Variants in TDRD15 observed in about 807,000 individuals in gnomAD.
TDRD15 encodes the protein tudor domain-containing protein 15.
For synonymous variants in TDRD15, 503 were observed against 314.5 expected (o/e 1.60, Z -6.34); for missense variants, 1,416 against 904.7 (o/e 1.57, Z -7.25).
Position 21,138,852 on chromosome 2 carries a change from A to G in TDRD15, c.1385A>G (p.Asn462Ser), listed in dbSNP as rs1204333138. 1 of 715,128 alleles carries G rather than the reference A, an allele frequency of 1.4e-6. No homozygotes were observed. Among genetic ancestry groups the G allele is most frequent in the South Asian group, 1.5e-5 (1 of 67,276 alleles). The allele number at this position is 715,128 out of a possible 1,614,324, so 44.3% of individuals were successfully genotyped here. A position where few individuals can be genotyped will look rare whatever the true frequency, so the allele number is the denominator to read the frequency against. The change falls in exon 4 of 4, where the codon AAT becomes AGT. Residue 462 changes from asparagine (N) to serine (S), a missense_variant. Transcript: ENST00000405799. Reference sequence around the variant, plus strand: ...ATTGAATGGTCAATAGACTCTCTAAATAAAAAAGGCATTTTAAAAGTAGGT... The same window carrying G: ...ATTGAATGGTCAATAGACTCTCTAAGTAAAAAAGGCATTTTAAAAGTAGGT... ...GNIEWSIDSL[N>S]KKGILKVGFP...
At chr2:21,131,518 C>T (rs1005630275) in intron 2 of TDRD15, among the ~76,000 whole-genome samples, 2 of 152,200 alleles carry the variant, frequency 1.3e-5, no homozygotes, top group African/African-American at 4.8e-5. Context: ...AAGCTTTTAA[C>T]GTTCTCCTTC....
At chr2:21,127,297 A>T (rs1008701047) in intron 1 of TDRD15, among the ~76,000 whole-genome samples, 2 of 152,078 alleles carry the variant, frequency 1.3e-5, no homozygotes, top group African/African-American at 4.8e-5. Flanking sequence ...GAGGAGCAAA[A>T]TATTTTAATT....
chr2:21,138,463 A>G lies in TDRD15; in HGVS notation c.996A>G (p.Ile332Met), dbSNP rs1476559604. 3 of 714,736 alleles carry G rather than the reference A, an allele frequency of 4.2e-6. No individual in the cohort carries two copies. The highest frequency in any genetic ancestry group is 2.6e-6 in the Non-Finnish European group (1 of 383,972). 44.3% of individuals were successfully genotyped at this position (714,736 alleles called of 1,614,324 possible). ...WFMDYGSSEA[I>M]PSIYVKKLKQ... ...TGGATTATGGCAGTAGCGAGGCTAT[A>G]CCCTCAATTTATGTAAAGAAACTTA... The change falls in exon 4 of 4, where the codon ATA becomes ATG. Residue 332 changes from isoleucine to methionine, a missense_variant. Ile to Met is a conservative substitution (Grantham distance 10). Transcript: ENST00000405799.
chr2:21,126,764 G>T lies in TDRD15; in HGVS notation c.-200-837G>T, dbSNP rs535913636. On this transcript the variant is annotated intron_variant, in intron 1 of 3. Coordinates refer to ENST00000405799, the MANE Select transcript of TDRD15 (RefSeq NM_001306137.2). ...GTTTTTGGCTCTTACAAGTAAACTT[G>T]CTGTGAACAGTCTCCTACAAGTTTT... Among the ~76,000 whole-genome samples, 15 of 152,284 alleles carry T rather than the reference G, an allele frequency of 9.9e-5. No homozygotes were observed. The South Asian group carries it at 2.9e-3, about 29-fold the overall frequency.
At position 21,141,106 on chromosome 2, in the gene TDRD15, T is replaced by A; in HGVS notation, c.3639T>A (p.Val1213=). ...NIHARFLKPS[V]CYKMEPVSKN... is the part of the protein sequence containing the mutation. ...ATGCCAGGTTTTTGAAGCCATCAGT[T>A]TGTTATAAAATGGAACCTGTGTCAA... is the stretch of plus-strand genomic sequence containing the variant. The change falls in exon 4 of 4, where the codon GTT becomes GTA. Residue 1213 remains valine, a synonymous_variant. Coordinates refer to ENST00000405799, the MANE Select transcript of TDRD15 (RefSeq NM_001306137.2). 1 of 708,132 alleles carries A rather than the reference T, an allele frequency of 1.4e-6. No individual in the cohort carries two copies. Among genetic ancestry groups the A allele is most frequent in the Non-Finnish European group, 2.6e-6 (1 of 382,120 alleles). The allele number at this position is 708,132 out of a possible 1,614,324, so 43.9% of individuals were successfully genotyped here.
downstream of TDRD15, among the ~76,000 whole-genome samples, chr2:21,145,801 T>C (rs767977165): frequency 6.6e-6 from 1 of 151,898 alleles, no homozygotes; most frequent in African/African-American, 2.4e-5. Context: ...GCAGGTACTC[T>C]GGGTCTAGAG....
intron 3 of TDRD15, among the ~76,000 whole-genome samples, chr2:21,135,700 C>T (rs2103441360): frequency 6.6e-6 from 1 of 152,062 alleles, no homozygotes; most frequent in South Asian, 2.1e-4. Context: ...TGCCACCCTA[C>T]CCCCATTCCC....
chr2:21,125,066 A>G (rs1244874497), intron 1 of TDRD15, among the ~76,000 whole-genome samples: 1 of 143,354 alleles, frequency 7.0e-6, no homozygotes, highest in Non-Finnish European at 1.5e-5. Context: ...TGAGTGTGAG[A>G]GAGACCCTAA....
chr2:21,125,429 GGTGTGTGTGT>G (rs77767650), intron 1 of TDRD15, among the ~76,000 whole-genome samples: 65 of 147,342 alleles, frequency 4.4e-4, no homozygotes, highest in African/African-American at 1.5e-3. Context: ...CGAATGCCAG[GGTGTGTGTGT>G]GTGTGTGTGT....
Position 21,138,546 on chromosome 2 carries a change from A to C in TDRD15, c.1079A>C (p.His360Pro), listed in dbSNP as rs1665858463. ...TTTCCATGTTCTCTGACATGTTTGC[A>C]CAGTCCAGATAGAGATGCAAGAATA... is the stretch of plus-strand genomic sequence containing the variant. ...FSFPCSLTCL[H>P]SPDRDARIFQ... The change falls in exon 4 of 4, where the codon CAC becomes CCC. Residue 360 changes from histidine (H) to proline (P), a missense_variant. Transcript: ENST00000405799. 1.4e-6 allele frequency: 1 copy of C among 715,690 alleles called. No individual in the cohort carries two copies. The highest frequency in any genetic ancestry group is 2.0e-5 in the Admixed American group (1 of 49,862). The allele number at this position is 715,690 out of a possible 1,614,324, so 44.3% of individuals were successfully genotyped here. A position where few individuals can be genotyped will look rare whatever the true frequency, so the allele number is the denominator to read the frequency against.
chr2:21,128,107 C>T (rs1265309770), intron 2 of TDRD15, among the ~76,000 whole-genome samples: 4 of 152,124 alleles, frequency 2.6e-5, no homozygotes, highest in Non-Finnish European at 4.4e-5. Context: ...AATTTATTCT[C>T]TTACCTGGAA....
chr2:21,124,723 C>A (rs563210504), intron 1 of TDRD15, among the ~76,000 whole-genome samples: 1 of 122,494 alleles, frequency 8.2e-6, no homozygotes, highest in East Asian at 2.6e-4. Context: ...CAGAGTGATC[C>A]TAATGCCAGG....
Position 21,141,238 on chromosome 2 carries a change from GGTT to G in TDRD15, c.3774_3776del (p.Val1259del), listed in dbSNP as rs1285837948. On this transcript the variant is annotated inframe_deletion, in exon 4 of 4. Coordinates refer to ENST00000405799, the MANE Select transcript of TDRD15 (RefSeq NM_001306137.2). ...GGCGTGTGGGCCAAAAATCAGTAAA[GGTT>G]GTATCACAGTCTTTTATCAGAGCAT... is the stretch of plus-strand genomic sequence containing the variant. 1 of 713,074 alleles carries G rather than the reference GGTT, an allele frequency of 1.4e-6. No individual in the cohort carries two copies. Among genetic ancestry groups the G allele is most frequent in the Admixed American group, 2.0e-5 (1 of 49,228 alleles). 44.2% of individuals were successfully genotyped at this position (713,074 alleles called of 1,614,324 possible).
intron 2 of TDRD15, among the ~76,000 whole-genome samples, chr2:21,131,960 T>A (rs769313704): frequency 6.6e-6 from 1 of 151,682 alleles, no homozygotes; most frequent in Non-Finnish European, 1.5e-5. Flanking sequence ...GTAGAGAGGG[T>A]AGGGAGGGGC....
intron 3 of TDRD15, among the ~76,000 whole-genome samples, chr2:21,135,366 T>G (rs1028609824): frequency 1.3e-5 from 2 of 151,740 alleles, no homozygotes; most frequent in Admixed American, 6.6e-5. Context: ...TGAAAGAGTT[T>G]GACTGACATC....
Position 21,139,548 on chromosome 2 carries a change from A to G in TDRD15, c.2081A>G (p.Lys694Arg). Residue 694 changes from lysine (K) to arginine (R), a missense_variant, in exon 4 of 4, where the codon AAA becomes AGA. By Grantham distance (26) the Lys-to-Arg change is conservative. Coordinates refer to ENST00000405799, the MANE Select transcript of TDRD15 (RefSeq NM_001306137.2). ...TCTAAAAACAAAGTTAATATTAAAAAAGTCATATCTGCCCTTCTTGAAGGA... is the reference window on the plus strand; with the variant it reads ...TCTAAAAACAAAGTTAATATTAAAAGAGTCATATCTGCCCTTCTTGAAGGA... Reference protein sequence around the residue: ...SESKNKVNIKKVISALLEGPK... With the variant: ...SESKNKVNIKRVISALLEGPK... 1 of 703,206 alleles carries G rather than the reference A, an allele frequency of 1.4e-6. No individual in the cohort carries two copies. The highest frequency in any genetic ancestry group is 2.6e-6 in the Non-Finnish European group (1 of 381,082). 43.6% of individuals were successfully genotyped at this position (703,206 alleles called of 1,614,324 possible).
intron 3 of TDRD15, among the ~76,000 whole-genome samples, chr2:21,136,916 G>A (rs1021665680): frequency 2.6e-5 from 4 of 151,956 alleles, no homozygotes; most frequent in African/African-American, 7.2e-5. Flanking sequence ...GATGAATCCC[G>A]GGATTGTATA....
rs753385555 is a variant in TDRD15 at position 21,142,863 on chromosome 2, G to A, written c.5396G>A (p.Arg1799Lys). ...FKYKSEDQWN[R>K]VEISEVSPQS... ...TATAAATCGGAAGATCAGTGGAATA[G>A]AGTAGAAATTTCTGAAGTCTCACCT... Residue 1799 changes from arginine to lysine, a missense_variant, in exon 4 of 4, where the codon AGA becomes AAA. Arg to Lys is a conservative substitution (Grantham distance 26). Coordinates refer to ENST00000405799, the MANE Select transcript of TDRD15 (RefSeq NM_001306137.2). The A allele has an allele frequency of 4.4e-5, 31 of 709,894 alleles. No homozygotes were observed. The highest frequency in any genetic ancestry group is 7.6e-5 in the Non-Finnish European group (29 of 382,278). The allele number at this position is 709,894 out of a possible 1,614,324, so 44.0% of individuals were successfully genotyped here. A position where few individuals can be genotyped will look rare whatever the true frequency, so the allele number is the denominator to read the frequency against.
chr2:21,126,240 A>G (rs759284130), intron 1 of TDRD15, among the ~76,000 whole-genome samples: 1 of 152,162 alleles, frequency 6.6e-6, no homozygotes, highest in Non-Finnish European at 1.5e-5. Flanking sequence ...TTCTGTTACT[A>G]TAGATTAAAT....
Sources: allele counts gnomAD v4.1 joint callset (sites outside exome capture counted in the v4.1 genomes callset), GRCh38; gene constraint gnomAD v4.1.1; transcripts MANE v1.5; gene names NCBI Gene and HGNC (gene_info 2026-07-23, HGNC 2026-07-21).